LAMA1: variants seen among roughly 807,000 people sequenced by gnomAD.
LAMA1 encodes the protein laminin subunit alpha-1.
A neutral mutation model predicts 348.7 loss-of-function variants in LAMA1; 219 were observed. The observed-to-expected ratio is 0.63, with a 90% CI of 0.56 to 0.70. The LOEUF is 0.70. LAMA1 is among the 30% of genes least tolerant of loss of function. LAMA1 has a pLI of 0.00. For synonymous variants in LAMA1, 1,487 were observed against 1,491.0 expected, an observed-to-expected ratio of 1.00 and a Z score of 0.06; for missense variants, 3,744 against 3,888.0, an observed-to-expected ratio of 0.96 and a Z score of 0.99.
At chr18:6,982,075 A>G (rs1016845632) in intron 41 of LAMA1, among the ~76,000 whole-genome samples, 17 of 152,194 alleles carry the variant, frequency 1.1e-4, no homozygotes, top group Admixed American at 9.8e-4. Context: ...AGAACCTACC[A>G]TGAGTCTAAT....
rs1600354833 is a variant in LAMA1, at chr18:6,965,514, C to T, written c.7051-82G>A. 4.0e-6 allele frequency: 6 copies of T among 1,512,016 alleles called. No homozygotes were observed. The East Asian group carries it at 1.1e-4, about 28-fold the overall frequency. The allele number at this position is 1,512,016 out of a possible 1,614,324, so 93.7% of individuals were successfully genotyped here. On this transcript the variant is annotated intron_variant, in intron 49 of 62. Coordinates refer to ENST00000389658, the MANE Select transcript of LAMA1 (RefSeq NM_005559.4). Reference sequence around the variant, plus strand: ...CCCTTCAAGTCAGGGATGGCTGAAACCTTCTAAAGTCAAACTGAGAAAACT... The same window carrying T: ...CCCTTCAAGTCAGGGATGGCTGAAATCTTCTAAAGTCAAACTGAGAAAACT...
intron 19 of LAMA1, among the ~76,000 whole-genome samples, chr18:7,018,871 G>T (rs922428871): frequency 3.9e-5 from 6 of 152,190 alleles, no homozygotes; most frequent in Non-Finnish European, 7.3e-5. Flanking sequence ...AGGGGCAGAG[G>T]AAACGTGCTG....
intron 3 of LAMA1, among the ~76,000 whole-genome samples, chr18:7,056,245 G>A (rs190418627): frequency 1.3e-5 from 2 of 152,274 alleles, no homozygotes; most frequent in East Asian, 3.9e-4. Context: ...TGCTGCACCT[G>A]TGAAACTTGA....
intron 29 of LAMA1, among the ~76,000 whole-genome samples, chr18:7,003,068 G>A (rs977632968): frequency 9.3e-5 from 14 of 151,300 alleles, no homozygotes; most frequent in African/African-American, 3.4e-4. Flanking sequence ...TTTTGTACAG[G>A]TAGGGGGTCT....
intron 1 of LAMA1, among the ~76,000 whole-genome samples, chr18:7,104,524 G>A (rs2058304413): frequency 6.6e-6 from 1 of 152,208 alleles, no homozygotes; most frequent in Non-Finnish European, 1.5e-5. Flanking sequence ...GAGTCCGTCA[G>A]AGTGCCATAG....
chr18:7,051,204 T>A (rs1359534657), intron 3 of LAMA1, among the ~76,000 whole-genome samples: 1 of 152,188 alleles, frequency 6.6e-6, no homozygotes, highest in Non-Finnish European at 1.5e-5. Flanking sequence ...GAAATTTATT[T>A]ATTAAAAGGG....
At chr18:6,985,078 T>C (rs994788106) in intron 39 of LAMA1, among the ~76,000 whole-genome samples, 159 bp downstream of exon 39, 1 of 152,226 alleles carries the variant, frequency 6.6e-6, no homozygotes, top group African/African-American at 2.4e-5. Flanking sequence ...TAAACTATGT[T>C]AGCAGACACA....
In LAMA1 at chr18:7,116,795, TTCTC is replaced by T. The variant is rs376396288; in HGVS notation, c.61+861_61+864del. ...GAATTCTTTCTTTCTTTTTCTTTCT[TTCTC>T]TCTCTTTCTTTTCTCTTTCTCTCTC... On this transcript the variant is annotated intron_variant, in intron 1 of 62. Transcript: ENST00000389658. 2.8e-3 allele frequency among the ~76,000 whole-genome samples: 418 copies of T among 151,764 alleles called. 5 individuals are homozygous for T. The highest frequency in any genetic ancestry group is 8.7e-3 in the African/African-American group (359 of 41,094).
chr18:7,048,139 T>C (rs1271085800), intron 5 of LAMA1, among the ~76,000 whole-genome samples: 1 of 152,188 alleles, frequency 6.6e-6, no homozygotes, highest in African/African-American at 2.4e-5. Flanking sequence ...AGGATTCGTA[T>C]ACAAAATATA....
intron 46 of LAMA1, among the ~76,000 whole-genome samples, chr18:6,974,007 C>T (rs2057670166): frequency 6.6e-6 from 1 of 152,032 alleles, no homozygotes; most frequent in African/African-American, 2.4e-5. Context: ...CCTCAAACTC[C>T]TTCTTGCTCA....
At chr18:7,028,994 T>C (rs1306509620) in intron 16 of LAMA1, among the ~76,000 whole-genome samples, 3 of 152,240 alleles carry the variant, frequency 2.0e-5, no homozygotes, top group African/African-American at 7.2e-5. Flanking sequence ...AATTTAGTAT[T>C]TTCAGTTTCT....
At chr18:7,061,282 G>A (rs752176591) in intron 3 of LAMA1, among the ~76,000 whole-genome samples, 1 of 152,166 alleles carries the variant, frequency 6.6e-6, no homozygotes, top group Non-Finnish European at 1.5e-5. Context: ...TCAAGTTGAC[G>A]AGGTGTTCTT....
intron 61 of LAMA1, 27 bp downstream of exon 61, chr18:6,947,136 A>G: frequency 1.2e-6 from 2 of 1,614,108 alleles, no homozygotes; most frequent in Non-Finnish European, 1.7e-6. Flanking sequence ...GGGGGGAGGA[A>G]GACCCTCATG....
At chr18:6,954,779 G>C (rs1323864393) in intron 57 of LAMA1, 2 of 190,812 alleles carry the variant, frequency 1.0e-5, no homozygotes, top group Admixed American at 5.3e-5. Flanking sequence ...AGACGGGCAG[G>C]GCATGGCAGA....
At chr18:6,944,984 A>G (rs1369719314) in intron 61 of LAMA1, among the ~76,000 whole-genome samples, 9 of 152,228 alleles carry the variant, frequency 5.9e-5, no homozygotes, top group Admixed American at 5.9e-4. Flanking sequence ...AGTAAAATGT[A>G]TAATACAACA....
chr18:7,099,068 C>G lies in LAMA1; in HGVS notation c.61+18592G>C, dbSNP rs56129532. On this transcript the variant is annotated intron_variant, in intron 1 of 62. Coordinates refer to ENST00000389658, the MANE Select transcript of LAMA1 (RefSeq NM_005559.4). ...AAAGATTGAGAAATCGGATGGTTGCCGTGTCTGTGTAGAAAGAAGTAGACA... is the reference window on the plus strand; with the variant it reads ...AAAGATTGAGAAATCGGATGGTTGCGGTGTCTGTGTAGAAAGAAGTAGACA... Among the ~76,000 whole-genome samples, 157 of 151,714 alleles carry G rather than the reference C, an allele frequency of 1.0e-3. 1 individual carries two copies. Among genetic ancestry groups the G allele is most frequent in the Non-Finnish European group, 4.4e-5 (3 of 67,856 alleles).
intron 23 of LAMA1, among the ~76,000 whole-genome samples, 182 bp downstream of exon 23, chr18:7,013,633 A>G (rs116635049): frequency 6.6e-6 from 1 of 152,174 alleles, no homozygotes; most frequent in Non-Finnish European, 1.5e-5. Context: ...GTAAAAATTC[A>G]ATTTCAAAAA....
In LAMA1 at chr18:7,016,711, G is replaced by A. The variant is rs201443459; in HGVS notation, c.2809-40C>T. On this transcript the variant is annotated intron_variant, in intron 20 of 62. Coordinates refer to ENST00000389658, the MANE Select transcript of LAMA1 (RefSeq NM_005559.4). The stretch of plus-strand genomic sequence containing the variant: ...GGGGAGAAAGTGGAAACCAACATAC[G>A]TTTTAATAAATGACTCCTCATATTA... The A allele has an allele frequency of 1.6e-5, 25 of 1,547,810 alleles. No homozygotes were observed. The South Asian group carries it at 2.1e-4, about 13-fold the overall frequency.
In LAMA1 at chr18:6,978,229, T is replaced by C. The variant is rs762320821; in HGVS notation, c.6157A>G (p.Thr2053Ala). The change falls in exon 43 of 63, where the codon ACA becomes GCA. Residue 2053 changes from threonine (T) to alanine (A), a missense_variant. Coordinates refer to ENST00000389658, the MANE Select transcript of LAMA1 (RefSeq NM_005559.4). ...GTGGAGTCCTGCAGAAGCTGGTGTGTCTCTCGTAATGTGGTGTTGACCCTG... is the reference window on the plus strand; with the variant it reads ...GTGGAGTCCTGCAGAAGCTGGTGTGCCTCTCGTAATGTGGTGTTGACCCTG... ...LSRVNTTLRE[T>A]HQLLQDSTMA... 7 of 1,614,162 alleles carry C rather than the reference T, an allele frequency of 4.3e-6. No homozygotes were observed. The highest frequency in any genetic ancestry group is 5.1e-6 in the Non-Finnish European group (6 of 1,180,032).
Sources: allele counts gnomAD v4.1 joint callset (sites outside exome capture counted in the v4.1 genomes callset), GRCh38; gene constraint gnomAD v4.1.1; transcripts MANE v1.5; gene names NCBI Gene and HGNC (gene_info 2026-07-23, HGNC 2026-07-21).